The following YWHAZ variants were observed in gnomAD, a reference collection of about 807,000 sequenced individuals.
YWHAZ encodes tyrosine 3-monooxygenase/tryptophan 5-monooxygenase activation protein zeta, also known as 14-3-3 protein zeta/delta.
For missense variants in YWHAZ, 79 were observed against 284.8 expected (o/e 0.28, Z 5.20); for synonymous variants, 87 against 103.6 (o/e 0.84, Z 0.97).
At chr8:100,952,730 G>T (rs1398751591), upstream of YWHAZ, 1 of 959,886 alleles carries the variant, frequency 1.0e-6, no homozygotes, top group Non-Finnish European at 1.3e-6. Flanking sequence ...GCGGTCGCAC[G>T]GCAAGGGAGG....
chr8:100,943,965 C>T (rs764404071), intron 2 of YWHAZ, among the ~76,000 whole-genome samples: 4 of 132,688 alleles, frequency 3.0e-5, no homozygotes, highest in African/African-American at 5.6e-5. Flanking sequence ...CCAGCCTAGG[C>T]GACAGAGCAA....
intron 2 of YWHAZ, chr8:100,935,140 C>T (rs193043830): frequency 6.6e-6 from 1 of 152,220 alleles, no homozygotes; most frequent in East Asian, 1.9e-4. Context: ...GAGTTAGACT[C>T]CATCTCAAAT....
intron 2 of YWHAZ, among the ~76,000 whole-genome samples, chr8:100,925,588 G>A (rs879357051): frequency 3.9e-5 from 6 of 152,066 alleles, no homozygotes; most frequent in Non-Finnish European, 8.8e-5. Flanking sequence ...CCGTTCAAAA[G>A]TTTTATTTTT....
rs554436912 is a variant in YWHAZ, at chr8:100,938,054, CG to C, written c.294+10541del. ...CTGAGGCGGGAGAATCACTTGAACC[CG>C]GGAGGCAGAGGTTGCGGTGAGCCAA... On this transcript the variant is annotated intron_variant, in intron 2 of 5. Transcript: ENST00000395958. 3.4e-3 allele frequency among the ~76,000 whole-genome samples: 521 copies of C among 152,194 alleles called. 6 individuals carry two copies. The highest frequency in any genetic ancestry group is 0.012 in the African/African-American group (500 of 41,530).
chr8:100,932,737 G>C (rs1188235549), intron 2 of YWHAZ, among the ~76,000 whole-genome samples: 1 of 152,070 alleles, frequency 6.6e-6, no homozygotes, highest in African/African-American at 2.4e-5. Context: ...AAAGCAGCTA[G>C]TTTATCTCAC....
At chr8:100,946,737 G>A (rs980862610) in intron 2 of YWHAZ, among the ~76,000 whole-genome samples, 2 of 151,806 alleles carry the variant, frequency 1.3e-5, no homozygotes, top group African/African-American at 4.8e-5. Flanking sequence ...TCCTAAAATT[G>A]ACTTTTGTCT....
rs189663330 is a variant in YWHAZ, at chr8:100,946,995, T to C, written c.294+1601A>G. Among the ~76,000 whole-genome samples, 723 of 151,756 alleles carry C rather than the reference T, an allele frequency of 4.8e-3. 6 individuals carry two copies. Among genetic ancestry groups the C allele is most frequent in the African/African-American group, 0.016 (674 of 41,454 alleles). Reference sequence around the variant, plus strand: ...TTGGCCGGGCGCGGTGGCTCAAGCCTGTAATCCCAGCACTTTGGGAGGCTG... The same window carrying C: ...TTGGCCGGGCGCGGTGGCTCAAGCCCGTAATCCCAGCACTTTGGGAGGCTG... On this transcript the variant is annotated intron_variant, in intron 2 of 5. Coordinates refer to ENST00000395958, the MANE Select transcript of YWHAZ (RefSeq NM_145690.3).
chr8:100,924,437 T>A lies in YWHAZ; in HGVS notation c.419-139A>T. 3.8e-6 allele frequency: 1 copy of A among 263,306 alleles called. No individual in the cohort carries two copies. Among genetic ancestry groups the A allele is most frequent in the South Asian group, 1.0e-4 (1 of 9,678 alleles). 16.3% of individuals were successfully genotyped at this position (263,306 alleles called of 1,614,324 possible). A position where few individuals can be genotyped will look rare whatever the true frequency, so the allele number is the denominator to read the frequency against. On this transcript the variant is annotated intron_variant, in intron 3 of 5. Transcript: ENST00000395958. This position sits in a 1 kb window ranked among gnomAD's most constrained non-coding sequence, Gnocchi z 5.7. Reference sequence around the variant, plus strand: ...AATATTTGTTAATTGAACAAGGTCCTTTTTTTTTTTTAAAGGGAGCTTTCT... The same window carrying A: ...AATATTTGTTAATTGAACAAGGTCCATTTTTTTTTTTAAAGGGAGCTTTCT...
At chr8:100,942,802 T>C (rs1191996125) in intron 2 of YWHAZ, among the ~76,000 whole-genome samples, 3 of 152,118 alleles carry the variant, frequency 2.0e-5, no homozygotes, top group Non-Finnish European at 4.4e-5. Context: ...TTAGAAAGAT[T>C]AGAATAAGAA....
At chr8:100,947,304 C>G (rs1810371139) in intron 2 of YWHAZ, among the ~76,000 whole-genome samples, 2 of 151,214 alleles carry the variant, frequency 1.3e-5, no homozygotes, top group Admixed American at 6.6e-5. Context: ...ATTACCTTAG[C>G]AAAATCACAA....
In YWHAZ at chr8:100,924,234, T is replaced by C. The variant is rs750069191; in HGVS notation, c.483A>G (p.Gln161=). ...GACCCAGTCTGATAGGATGTGTTGG[T>C]TGCATTTCCTTTTTGCTGATTTCAA... The part of the protein sequence containing the change: ...EAFEISKKEM[Q]PTHPIRLGLA... The change falls in exon 4 of 6, where the codon CAA becomes CAG. Residue 161 remains glutamine (Q), a synonymous_variant. Transcript: ENST00000395958. This position sits in a 1 kb window ranked among gnomAD's most constrained non-coding sequence, Gnocchi z 5.7. 1.1e-5 allele frequency: 18 copies of C among 1,613,998 alleles called. No individual in the cohort carries two copies. The highest frequency in any genetic ancestry group is 6.7e-5 in the African/African-American group (5 of 74,914).
chr8:100,928,258 C>A (rs1160234363), intron 2 of YWHAZ, among the ~76,000 whole-genome samples: 1 of 150,930 alleles, frequency 6.6e-6, no homozygotes, highest in Non-Finnish European at 1.5e-5. Context: ...CCAGCCTGGG[C>A]AACAGAGTGA....
At chr8:100,934,961 T>C (rs535628636) in intron 2 of YWHAZ, 1 of 151,832 alleles carries the variant, frequency 6.6e-6, no homozygotes, top group East Asian at 1.9e-4. Flanking sequence ...AAAATAAAGA[T>C]TACCAGCCTG....
chr8:100,918,436 AT>A lies in YWHAZ; in HGVS notation c.*2256del, dbSNP rs1812808752. Reference sequence around the variant, plus strand: ...TATATATATATATATATATATATATATATATATAATTATTTTACCTCCTTGG... The same window carrying A: ...TATATATATATATATATATATATATAATATATAATTATTTTACCTCCTTGG... On this transcript the variant is annotated 3_prime_UTR_variant, in exon 6 of 6. Coordinates refer to ENST00000395958, the MANE Select transcript of YWHAZ (RefSeq NM_145690.3). The A allele has an allele frequency of 9.4e-6, 1 of 106,288 alleles. No individual in the cohort carries two copies. Among genetic ancestry groups the A allele is most frequent in the African/African-American group, 3.7e-5 (1 of 27,164 alleles). 6.6% of individuals were successfully genotyped at this position (106,288 alleles called of 1,614,324 possible).
At chr8:100,951,810 C>G in intron 1 of YWHAZ, 119 bp downstream of exon 1, 1 of 985,404 alleles carries the variant, frequency 1.0e-6, no homozygotes, top group Non-Finnish European at 1.2e-6. Flanking sequence ...TCCGCCTCAG[C>G]CCGGCGCCGC....
intron 2 of YWHAZ, among the ~76,000 whole-genome samples, chr8:100,947,113 G>A (rs538105931): frequency 6.6e-6 from 1 of 151,710 alleles, no homozygotes; most frequent in Admixed American, 6.6e-5. Context: ...AATTAGCCGG[G>A]CGCAGTGGCA....
At chr8:100,944,484 A>G (rs952966869) in intron 2 of YWHAZ, among the ~76,000 whole-genome samples, 1 of 152,234 alleles carries the variant, frequency 6.6e-6, no homozygotes, top group Non-Finnish European at 1.5e-5. Context: ...TAAATGTTAG[A>G]CACACAATTT....
At chr8:100,949,381 T>C (rs1810536607) in intron 1 of YWHAZ, among the ~76,000 whole-genome samples, 1 of 151,800 alleles carries the variant, frequency 6.6e-6, no homozygotes, top group African/African-American at 2.4e-5. Context: ...CTTTTTACTT[T>C]CATAATACTC....
chr8:100,934,295 C>T (rs1813973875), intron 2 of YWHAZ, among the ~76,000 whole-genome samples: 1 of 150,102 alleles, frequency 6.7e-6, no homozygotes, highest in African/African-American at 2.5e-5. Flanking sequence ...CACTGCACTC[C>T]AGCATGGGGG....
Sources: allele counts gnomAD v4.1 joint callset (sites outside exome capture counted in the v4.1 genomes callset), GRCh38; gene constraint gnomAD v4.1.1; non-coding constraint Gnocchi (gnomAD v3.1); transcripts MANE v1.5; gene names NCBI Gene and HGNC (gene_info 2026-07-23, HGNC 2026-07-21).